Variants in ADH1B observed in about 807,000 individuals in gnomAD.
ADH1B encodes the protein all-trans-retinol dehydrogenase [NAD(+)] ADH1B.
Under a neutral mutation model 34.6 loss-of-function variants are expected in ADH1B, and 29 were observed. The observed-to-expected ratio is 0.84, with a 90% CI of 0.62 to 1.14. The LOEUF is 1.14. ADH1B is among the 50% of genes most tolerant of loss of function. ADH1B has a pLI of 0.00. For synonymous variants in ADH1B, 170 were observed against 175.5 expected (o/e 0.97, Z 0.25); for missense variants, 424 against 468.4 (o/e 0.91, Z 0.87).
chr4:99,317,911 A>G, intron 3 of ADH1B, 135 bp downstream of exon 3: 2 of 1,444,308 alleles, frequency 1.4e-6, no homozygotes, highest in Non-Finnish European at 1.9e-6. Context: ...AGAGGGAAAG[A>G]GGAAACTCCT....
At chr4:99,317,755 C>T (rs1323238583) in intron 3 of ADH1B, 5 of 371,528 alleles carry the variant, frequency 1.3e-5, no homozygotes, top group African/African-American at 2.1e-5. Context: ...GAATGCCACA[C>T]TGGTAGGCAC....
At chr4:99,311,782 G>T in intron 6 of ADH1B, 126 bp from the exon 7 acceptor site, 1 of 1,403,636 alleles carries the variant, frequency 7.1e-7, no homozygotes. Context: ...CATGTCTTTT[G>T]ATCCTTCATT....
chr4:99,311,003 A>C, intron 7 of ADH1B, 100 bp from the exon 8 acceptor site: 1 of 1,373,388 alleles, frequency 7.3e-7, no homozygotes, highest in Non-Finnish European at 1.0e-6. Flanking sequence ...AAGGTGCTCC[A>C]TTCCAGACTG....
intron 8 of ADH1B, 138 bp downstream of exon 8, chr4:99,310,627 G>A (rs1265297764): frequency 1.2e-5 from 14 of 1,187,800 alleles, no homozygotes; most frequent in East Asian, 5.2e-5. Flanking sequence ...TCCTACATAC[G>A]CTCCATGCAA....
intron 3 of ADH1B, chr4:99,317,159 G>C (rs990338807): frequency 6.6e-6 from 1 of 152,098 alleles, no homozygotes; most frequent in African/African-American, 2.4e-5. Context: ...GGGGCAGGGT[G>C]AATCTACAGG....
chr4:99,312,685 CA>C (rs2110632596), intron 6 of ADH1B, among the ~76,000 whole-genome samples: 1 of 152,262 alleles, frequency 6.6e-6, no homozygotes, highest in South Asian at 2.1e-4. Context: ...AATAGTATTT[CA>C]TATCAATAAT....
chr4:99,308,451 A>G (rs1733668039), intron 8 of ADH1B, among the ~76,000 whole-genome samples: 1 of 151,532 alleles, frequency 6.6e-6, no homozygotes, highest in Non-Finnish European at 1.5e-5. Context: ...TTGATAATTT[A>G]ACAAAGTTAA....
intron 7 of ADH1B, among the ~76,000 whole-genome samples, chr4:99,311,145 T>A (rs1019511553): frequency 6.6e-6 from 1 of 152,206 alleles, no homozygotes; most frequent in African/African-American, 2.4e-5. Context: ...TACAGAAGTT[T>A]ATGCCCAAGG....
At chr4:99,314,691 A>C (rs959620054) in intron 5 of ADH1B, 1 of 152,860 alleles carries the variant, frequency 6.5e-6, no homozygotes, top group African/African-American at 2.4e-5. Context: ...ACAGCAATGA[A>C]ATGTTTGTCT....
chr4:99,315,794 T>A, intron 5 of ADH1B, 104 bp downstream of exon 5: 1 of 1,469,664 alleles, frequency 6.8e-7, no homozygotes, highest in South Asian at 1.2e-5. Flanking sequence ...TAATCGACAC[T>A]TTAAATCTAC....
chr4:99,305,559 GTGTATATATATATATATATATATATATA>G lies in ADH1B; in HGVS notation c.*2253_*2280del, dbSNP rs1206530413. The G allele has an allele frequency of 1.2e-4, 5 of 43,078 alleles. No homozygotes were observed. The highest frequency in any genetic ancestry group is 1.6e-4 in the Non-Finnish European group (4 of 25,022). 2.7% of individuals were successfully genotyped at this position (43,078 alleles called of 1,614,324 possible). On this transcript the variant is annotated 3_prime_UTR_variant, in exon 9 of 9. Transcript: ENST00000305046. The stretch of plus-strand genomic sequence containing the variant: ...AACTATATGAACCACTTGCCCCATA[GTGTATATATATATATATATATATATATA>G]TATATATATATATATATATATACAA...
Position 99,311,443 on chromosome 4 carries a change from T to C in ADH1B, c.964+78A>G, listed in dbSNP as rs17028834. On this transcript the variant is annotated intron_variant, in intron 7 of 8. Transcript: ENST00000305046. ...TTGCCTTGTCAATTGTAAAAGGGCA[T>C]ATATATTGAGATTATATTGAGATTA... 11,058 of 1,475,662 alleles carry C rather than the reference T, an allele frequency of 7.5e-3. 564 individuals carry two copies. In the African/African-American group the frequency reaches 0.12, roughly 16 times the overall value. The allele number at this position is 1,475,662 out of a possible 1,614,324, so 91.4% of individuals were successfully genotyped here.
Position 99,316,110 on chromosome 4 carries a change from T to A in ADH1B, c.355A>T (p.Asn119Tyr). The A allele has an allele frequency of 6.2e-7, 1 of 1,614,148 alleles. No homozygotes were observed. The highest frequency in any genetic ancestry group is 8.5e-7 in the Non-Finnish European group (1 of 1,180,006). Residue 119 changes from asparagine (N) to tyrosine (Y), a missense_variant, in exon 5 of 9, where the codon AAT (asparagine) becomes TAT (tyrosine). Asn to Tyr is a moderately radical substitution (Grantham distance 143). Around this residue, in one of 3 missense-constraint regions of ADH1B, gnomAD observed 291 missense variants for 300.4 expected, o/e 0.97. Transcript: ENST00000305046. ...CCATCCTGCAGGGTCCCCCGAGGAT[T>A]GCCTAGACTGGGCAGTGCAATACAC... ...SNYCLKNDLGNPRGTLQDGTR... is the reference protein window; with the variant it reads ...SNYCLKNDLGYPRGTLQDGTR...
intron 6 of ADH1B, among the ~76,000 whole-genome samples, chr4:99,312,042 G>A (rs1043286034): frequency 6.6e-6 from 1 of 152,088 alleles, no homozygotes; most frequent in Non-Finnish European, 1.5e-5. Flanking sequence ...TTTCTCAAAC[G>A]GACATGTTTT....
At chr4:99,318,925 C>T in intron 1 of ADH1B, 39 bp from the exon 2 acceptor site, 1 of 1,593,552 alleles carries the variant, frequency 6.3e-7, no homozygotes, top group Non-Finnish European at 8.6e-7. Flanking sequence ...AGTGTTTTCC[C>T]ACTCTTGAAG....
chr4:99,314,023 A>G lies in ADH1B; in HGVS notation c.626T>C (p.Val209Ala). 1 of 1,614,186 alleles carries G rather than the reference A, an allele frequency of 6.2e-7. No individual in the cohort carries two copies. The change falls in exon 6 of 9, where the codon GTT becomes GCT. Residue 209 changes from valine to alanine, a missense_variant. Physicochemically the swap from Val to Ala is moderately conservative, Grantham distance 64. Around this residue, in one of 3 missense-constraint regions of ADH1B, gnomAD observed 291 missense variants for 300.4 expected, o/e 0.97. Transcript: ENST00000305046. ...TGCTCCAGCTGCTTTACAGCCCATA[A>G]CAGCAGATAGGCCGACCCCTCCCAG... The part of the protein sequence containing the change: ...FGLGGVGLSA[V>A]MGCKAAGAAR...
intron 5 of ADH1B, chr4:99,315,218 G>A (rs1789883): frequency 0.027 from 4,186 of 152,518 alleles, 82 homozygotes; most frequent in South Asian, 0.054. Context: ...TCTGAACCTC[G>A]GTTTCATAAA....
At position 99,316,137 on chromosome 4, in the gene ADH1B, GAC is replaced by G. The variant is rs1437808509; in HGVS notation, c.348-22_348-21del. 1 of 1,614,174 alleles carries G rather than the reference GAC, an allele frequency of 6.2e-7. No homozygotes were observed. Among genetic ancestry groups the G allele is most frequent in the Non-Finnish European group, 8.5e-7 (1 of 1,180,000 alleles). On this transcript the variant is annotated intron_variant, in intron 4 of 8. Transcript: ENST00000305046. ...CCTAGACTGGGCAGTGCAATACACA[GAC>G]ACACAAAGGCATGAGACAGGAGCAT... is the stretch of plus-strand genomic sequence containing the variant.
rs1733573758 is a variant in ADH1B, at chr4:99,305,310, CCCA to C, written c.*2527_*2529del. On this transcript the variant is annotated 3_prime_UTR_variant, in exon 9 of 9. Coordinates refer to ENST00000305046, the MANE Select transcript of ADH1B (RefSeq NM_000668.6). ...CGTGATATTATTGAAGTCACCCCCC[CCCA>C]CTTTATTTGTTTTCATATATCATGA... 1 of 150,782 alleles carries C rather than the reference CCCA, an allele frequency of 6.6e-6. No individual in the cohort carries two copies. The highest frequency in any genetic ancestry group is 2.1e-4 in the South Asian group (1 of 4,768). 9.3% of individuals were successfully genotyped at this position (150,782 alleles called of 1,614,324 possible).
Sources: allele counts gnomAD v4.1 joint callset (sites outside exome capture counted in the v4.1 genomes callset), GRCh38; gene constraint gnomAD v4.1.1; regional missense constraint gnomAD v4.1.1; transcripts MANE v1.5; gene names NCBI Gene and HGNC (gene_info 2026-07-23, HGNC 2026-07-21).